MCTP1: variants seen among roughly 807,000 people sequenced by gnomAD.
The protein encoded by MCTP1 is multiple C2 and transmembrane domain containing 1, also known as multiple C2 and transmembrane domain-containing protein 1.
In MCTP1, 69 loss-of-function variants were observed where a neutral mutation model predicts 120.6. The observed-to-expected ratio is 0.57, with a 90% CI of 0.47 to 0.70. The LOEUF (loss-of-function observed/expected upper bound fraction) is 0.70, where lower values mean the gene tolerates loss of function less well. MCTP1 is among the 30% of genes least tolerant of loss of function. MCTP1 has a pLI of 0.00. For missense variants in MCTP1, 1,203 were observed against 1,248.8 expected (o/e 0.96, Z 0.55); for synonymous variants, 529 against 493.1 (o/e 1.07, Z -0.96).
chr5:94,826,340 C>A, intron 17 of MCTP1: 1 of 554,084 alleles, frequency 1.8e-6, no homozygotes, highest in South Asian at 1.8e-5. Context: ...ACAAAGGTTC[C>A]ACTGAGGATT....
intron 1 of MCTP1, among the ~76,000 whole-genome samples, chr5:95,034,822 C>A (rs1840955662): frequency 6.6e-6 from 1 of 151,880 alleles, no homozygotes; most frequent in South Asian, 2.1e-4. Flanking sequence ...ATTTATGCAT[C>A]CAACAAAAGA....
chr5:95,042,735 G>A lies in MCTP1; in HGVS notation c.721-25251C>T, dbSNP rs114755624. On this transcript the variant is annotated intron_variant, in intron 1 of 22. Coordinates refer to ENST00000515393, the MANE Select transcript of MCTP1 (RefSeq NM_024717.7). ...TGTACAGCTATAGGAATGAACATAC[G>A]GTATACACTGTCAATCACCTTGCCT... Among the ~76,000 whole-genome samples the A allele has an allele frequency of 8.7e-3, 1,320 of 152,226 alleles. 20 individuals are homozygous for A. Among genetic ancestry groups the A allele is most frequent in the African/African-American group, 0.031 (1,274 of 41,536 alleles).
chr5:95,146,047 A>G (rs1221935177), intron 1 of MCTP1, among the ~76,000 whole-genome samples: 3 of 151,060 alleles, frequency 2.0e-5, no homozygotes, highest in African/African-American at 7.3e-5. Context: ...TTAATTACTG[A>G]TTCAATTTCA....
chr5:94,956,966 A>G (rs1822799846), intron 2 of MCTP1, among the ~76,000 whole-genome samples: 1 of 152,226 alleles, frequency 6.6e-6, no homozygotes, highest in South Asian at 2.1e-4. Context: ...CATAATCGTC[A>G]GATTCACCAA....
intron 1 of MCTP1, among the ~76,000 whole-genome samples, chr5:95,097,045 A>C (rs1582240976): frequency 1.3e-5 from 2 of 152,176 alleles, no homozygotes; most frequent in Admixed American, 6.5e-5. Context: ...AAAGTGAATC[A>C]ATATTTTTTA....
chr5:94,964,256 T>A (rs1825059559), intron 2 of MCTP1, among the ~76,000 whole-genome samples: 1 of 152,212 alleles, frequency 6.6e-6, no homozygotes, highest in African/African-American at 2.4e-5. Flanking sequence ...CCTATACTTC[T>A]TAAAATTTGT....
At chr5:95,200,716 T>C (rs962934447) in intron 1 of MCTP1, among the ~76,000 whole-genome samples, 1 of 152,150 alleles carries the variant, frequency 6.6e-6, no homozygotes, top group African/African-American at 2.4e-5. Context: ...AGTAATAAGT[T>C]TAAGGGATCT....
At position 95,230,912 on chromosome 5, in the gene MCTP1, C is replaced by T. The variant is rs188581916; in HGVS notation, c.720+52944G>A. ...GCACATGCTGAAAAAAACTTCCCAT[C>T]GTTTAGATTTTTAATCTTATGTGGA... On this transcript the variant is annotated intron_variant, in intron 1 of 22. Coordinates refer to ENST00000515393, the MANE Select transcript of MCTP1 (RefSeq NM_024717.7). 1.5e-4 allele frequency among the ~76,000 whole-genome samples: 23 copies of T among 152,012 alleles called. No homozygotes were observed. In the East Asian group the frequency reaches 3.9e-3, roughly 26 times the overall value.
intron 6 of MCTP1, chr5:94,929,821 A>G (rs1814100721): frequency 3.8e-6 from 1 of 260,334 alleles, no homozygotes; most frequent in African/African-American, 2.3e-5. Flanking sequence ...GGCACAGTAA[A>G]AAATCTGAAT....
intron 1 of MCTP1, among the ~76,000 whole-genome samples, chr5:95,125,963 A>C (rs970176290): frequency 2.0e-5 from 3 of 152,208 alleles, no homozygotes; most frequent in Non-Finnish European, 4.4e-5. Context: ...AAAATCTAAC[A>C]CAAAGCTATG....
intron 7 of MCTP1, among the ~76,000 whole-genome samples, chr5:94,922,346 T>C (rs1480065000): frequency 2.6e-5 from 4 of 152,150 alleles, no homozygotes; most frequent in Admixed American, 2.6e-4. Context: ...AGGGAAACAC[T>C]TGAAAAAGTA....
chr5:94,841,714 C>A (rs906021894), intron 17 of MCTP1, among the ~76,000 whole-genome samples: 1 of 152,182 alleles, frequency 6.6e-6, no homozygotes, highest in African/African-American at 2.4e-5. Flanking sequence ...TGTATATATG[C>A]ACTCATATAC....
intron 19 of MCTP1, among the ~76,000 whole-genome samples, chr5:94,767,670 C>CA (rs1773103000): frequency 1.3e-5 from 2 of 151,522 alleles, no homozygotes; most frequent in Admixed American, 1.3e-4. Flanking sequence ...ACACTAGCTA[C>CA]AAAAAAATAA....
intron 5 of MCTP1, among the ~76,000 whole-genome samples, chr5:94,932,879 T>G (rs1815158423): frequency 6.6e-6 from 1 of 151,974 alleles, no homozygotes. Context: ...AAGAACTGTA[T>G]CTCTTTCAGG....
At chr5:94,820,520 A>G (rs1233146051) in intron 17 of MCTP1, among the ~76,000 whole-genome samples, 1 of 152,184 alleles carries the variant, frequency 6.6e-6, no homozygotes, top group Non-Finnish European at 1.5e-5. Context: ...GTGAGAAAAA[A>G]TCTTGTCCCA....
intron 1 of MCTP1, among the ~76,000 whole-genome samples, chr5:95,197,389 T>C (rs960357880): frequency 1.3e-5 from 2 of 152,080 alleles, no homozygotes; most frequent in Admixed American, 6.6e-5. Context: ...CCCACTTAGG[T>C]GGGCATGATG....
At chr5:95,138,860 T>G (rs1759670581) in intron 1 of MCTP1, among the ~76,000 whole-genome samples, 1 of 152,258 alleles carries the variant, frequency 6.6e-6, no homozygotes, top group African/African-American at 2.4e-5. Context: ...AGTTGTAATG[T>G]ATGTGGACAA....
chr5:95,187,509 C>T (rs1359881518), intron 1 of MCTP1, among the ~76,000 whole-genome samples: 3 of 152,172 alleles, frequency 2.0e-5, no homozygotes, highest in African/African-American at 7.2e-5. Context: ...AAGTGATTTT[C>T]CTGCCTCAGC....
At chr5:94,911,474 C>A (rs1004487609) in intron 9 of MCTP1, among the ~76,000 whole-genome samples, 2 of 152,192 alleles carry the variant, frequency 1.3e-5, no homozygotes, top group Non-Finnish European at 2.9e-5. Flanking sequence ...TGAATGCATT[C>A]TCACAACATC....
Sources: gnomAD v4.1 joint callset for allele counts (sites outside exome capture counted in the v4.1 genomes callset) on GRCh38, gnomAD v4.1.1 for gene constraint, MANE v1.5 for transcripts, NCBI Gene and HGNC (gene_info 2026-07-23, HGNC 2026-07-21) for gene names.